Variants in LTBP3 observed in about 807,000 individuals in gnomAD.
The protein encoded by LTBP3 is latent transforming growth factor beta binding protein 3, also known as latent-transforming growth factor beta-binding protein 3.
In LTBP3, 97 loss-of-function variants were observed where a neutral mutation model predicts 159.7. That is an observed-to-expected ratio of 0.61 (90% CI 0.52 to 0.72). The LOEUF is 0.72. Among genes scored for constraint, LTBP3 ranks in the 30% least tolerant of loss-of-function variants. LTBP3 has a pLI of 0.00. For missense variants in LTBP3, 1,584 were observed against 1,864.3 expected (o/e 0.85, Z 2.77); for synonymous variants, 824 against 777.1 (o/e 1.06, Z -1.00).
Position 65,547,951 on chromosome 11 carries a change from G to A in LTBP3, c.1815C>T (p.Tyr605=). The change falls in exon 12 of 28, where the codon TAC becomes TAT. Residue 605 remains tyrosine, a synonymous_variant. Coordinates refer to ENST00000301873, the MANE Select transcript of LTBP3 (RefSeq NM_001130144.3). This position sits in a 1 kb window ranked among gnomAD's most constrained non-coding sequence, Gnocchi z 4.6. ...PDYSCHCNPG[Y]RSHPQHRYCV... is the part of the protein sequence containing the mutation. ...AGTAGCGGTGCTGGGGATGTGACCG[G>A]TAGCCGGGGTTGCAGTGGCAGGAGT... 2 of 1,613,930 alleles carry A rather than the reference G, an allele frequency of 1.2e-6. No homozygotes were observed. The highest frequency in any genetic ancestry group is 1.7e-6 in the Non-Finnish European group (2 of 1,180,008).
Position 65,552,120 on chromosome 11 carries a change from G to A in LTBP3, c.1383C>T (p.Tyr461=), listed in dbSNP as rs1565099313. 2 of 1,614,152 alleles carry A rather than the reference G, an allele frequency of 1.2e-6. No homozygotes were observed. The highest frequency in any genetic ancestry group is 1.7e-6 in the Non-Finnish European group (2 of 1,180,014). The change falls in exon 8 of 28, where the codon TAC becomes TAT. Residue 461 remains tyrosine (Y), a synonymous_variant. Coordinates refer to ENST00000301873, the MANE Select transcript of LTBP3 (RefSeq NM_001130144.3). This position sits in a 1 kb window ranked among gnomAD's most constrained non-coding sequence, Gnocchi z 6.0. ...FKEICPAGKG[Y]HILTSHQTLT... is the part of the protein sequence containing the mutation. ...GCGTCTGGTGGGAGGTGAGAATGTGGTATCCCTTCCCAGCTGGGCAGATCT... is the reference window on the plus strand; with the variant it reads ...GCGTCTGGTGGGAGGTGAGAATGTGATATCCCTTCCCAGCTGGGCAGATCT...
chr11:65,539,657 T>TCCGGGTCC lies in LTBP3; in HGVS notation c.3548-37_3548-30dup, dbSNP rs771349317. 17 of 1,592,260 alleles carry TCCGGGTCC rather than the reference T, an allele frequency of 1.1e-5. No homozygotes were observed. In the African/African-American group the frequency reaches 1.3e-4, roughly 13 times the overall value. ...GGAGGAGCAGAACTGGTCAGCGACG[T>TCCGGGTCC]CCGGGTCCCCGGGCCCTGGCCCCCA... On this transcript the variant is annotated intron_variant, in intron 25 of 27. Transcript: ENST00000301873.
In LTBP3 at chr11:65,552,789, T is replaced by G; in HGVS notation, c.1186+71A>C. ...GTCAACCCTTAACCCCACTCTGATCTCTTGCGATCTCTGATCCTTGCTCCC... is the reference window on the plus strand; with the variant it reads ...GTCAACCCTTAACCCCACTCTGATCGCTTGCGATCTCTGATCCTTGCTCCC... On this transcript the variant is annotated intron_variant, in intron 6 of 27. Coordinates refer to ENST00000301873, the MANE Select transcript of LTBP3 (RefSeq NM_001130144.3). The surrounding 1 kb of genome is among the most constrained non-coding windows in gnomAD (Gnocchi z 6.0). The G allele has an allele frequency of 1.2e-6, 2 of 1,610,576 alleles. No homozygotes were observed. The highest frequency in any genetic ancestry group is 1.7e-6 in the Non-Finnish European group (2 of 1,177,326).
rs575913813 is a variant in LTBP3 at position 65,539,200 on chromosome 11, G to A, written c.3792C>T (p.Arg1264=). Residue 1264 remains arginine (R), a synonymous_variant, in exon 28 of 28, where the codon CGC becomes CGT. Coordinates refer to ENST00000301873, the MANE Select transcript of LTBP3 (RefSeq NM_001130144.3). The part of the protein sequence containing the change: ...DIDECRELNQ[R]GLLCKSERCV... ...AGCGCTCGCTCTTGCACAGCAGCCCGCGCTGGTTCAGCTCTCGGCACTCGT... is the reference window on the plus strand; with the variant it reads ...AGCGCTCGCTCTTGCACAGCAGCCCACGCTGGTTCAGCTCTCGGCACTCGT... 2.0e-5 allele frequency: 30 copies of A among 1,525,410 alleles called. No individual in the cohort carries two copies. Among genetic ancestry groups the A allele is most frequent in the South Asian group, 1.6e-4 (13 of 82,980 alleles). The allele number at this position is 1,525,410 out of a possible 1,614,324, so 94.5% of individuals were successfully genotyped here.
rs1856011851 is a variant in LTBP3, at chr11:65,540,008, C to G, written c.3385+5G>C. The G allele has an allele frequency of 6.7e-7, 1 of 1,492,890 alleles. No individual in the cohort carries two copies. The highest frequency in any genetic ancestry group is 1.4e-5 in the African/African-American group (1 of 70,230). 92.5% of individuals were successfully genotyped at this position (1,492,890 alleles called of 1,614,324 possible). A position where few individuals can be genotyped will look rare whatever the true frequency, so the allele number is the denominator to read the frequency against. On this transcript the variant is annotated splice_donor_5th_base_variant and intron_variant, in intron 24 of 27. Coordinates refer to ENST00000301873, the MANE Select transcript of LTBP3 (RefSeq NM_001130144.3). Reference sequence around the variant, plus strand: ...GGATCGGCCAAGGCCAACCCTCGCCCTCACCGGCCGGGCTCTCGGGGAGCT... The same window carrying G: ...GGATCGGCCAAGGCCAACCCTCGCCGTCACCGGCCGGGCTCTCGGGGAGCT...
chr11:65,549,606 G>C (rs1194822361), intron 11 of LTBP3, among the ~76,000 whole-genome samples: 1 of 110,440 alleles, frequency 9.1e-6, no homozygotes, highest in East Asian at 2.7e-4. Flanking sequence ...TTTTAGTAGA[G>C]ACTGGGTTTC....
At position 65,546,518 on chromosome 11, in the gene LTBP3, G is replaced by A. The variant is rs143094680; in HGVS notation, c.2277C>T (p.Cys759=). The A allele has an allele frequency of 8.1e-6, 13 of 1,601,110 alleles. No homozygotes were observed. Among genetic ancestry groups the A allele is most frequent in the South Asian group, 2.2e-5 (2 of 90,836 alleles). ...AGCGGAAGGAGCCCGGGAGGTTCTC[G>A]CACCAGCCAGGCGAGCAGGGGCTGC... ...AEGSPCSPGW[C]ENLPGSFRCT... is the part of the protein sequence containing the mutation. The change falls in exon 16 of 28, where the codon TGC becomes TGT. Residue 759 remains cysteine, a synonymous_variant. Transcript: ENST00000301873. This position sits in a 1 kb window ranked among gnomAD's most constrained non-coding sequence, Gnocchi z 4.0.
At position 65,554,277 on chromosome 11, in the gene LTBP3, T is replaced by C; in HGVS notation, c.435A>G (p.Gly145=). ...AGCCGCCGGTACCCCCACCGGCTCC[T>C]CCTGCGGGCACCTGGCAGAAGCGCC... ...FTGRFCQVPA[G]GAGGGTGGSG... Residue 145 remains glycine, a synonymous_variant, in exon 2 of 28, where the codon GGA becomes GGG. Coordinates refer to ENST00000301873, the MANE Select transcript of LTBP3 (RefSeq NM_001130144.3). This position sits in a 1 kb window ranked among gnomAD's most constrained non-coding sequence, Gnocchi z 5.3. 4 of 1,611,042 alleles carry C rather than the reference T, an allele frequency of 2.5e-6. No homozygotes were observed. Among genetic ancestry groups the C allele is most frequent in the Non-Finnish European group, 3.4e-6 (4 of 1,179,354 alleles).
rs372630711 is a variant in LTBP3, at chr11:65,546,874, G to A, written c.2154C>T (p.Cys718=). 5.6e-6 allele frequency: 9 copies of A among 1,612,472 alleles called. No individual in the cohort carries two copies. Among genetic ancestry groups the A allele is most frequent in the African/African-American group, 2.7e-5 (2 of 75,054 alleles). Residue 718 remains cysteine (C), a synonymous_variant, in exon 15 of 28, where the codon TGC becomes TGT. Transcript: ENST00000301873. The surrounding 1 kb of genome is among the most constrained non-coding windows in gnomAD (Gnocchi z 4.0). The stretch of plus-strand genomic sequence containing the variant: ...ACTTGAAGCTCCCGGGCTTGTTCTC[G>A]CATTTGCCATCCGGGCAAGAGCTTG... ...RDPSSCPDGK[C]ENKPGSFKCI...
At position 65,539,563 on chromosome 11, in the gene LTBP3, C is replaced by T; in HGVS notation, c.3613G>A (p.Gly1205Arg). Residue 1205 changes from glycine (G) to arginine (R), a missense_variant, in exon 26 of 28, where the codon GGG becomes AGG. Physicochemically the swap from Gly to Arg is moderately radical, Grantham distance 125 (BLOSUM62 -2). Around this residue, in one of 6 missense-constraint regions of LTBP3, gnomAD observed 514 missense variants for 530.3 expected, o/e 0.97. Transcript: ENST00000301873. ...CAGCACTCACCTCTTGGGGGCTTCC[C>T]CAACAGCAGGGGGCTTGTGTCCCAG... is the stretch of plus-strand genomic sequence containing the variant. The part of the protein sequence containing the change: ...SFWDTSPLLL[G>R]KPPRDEDSSE... The T allele has an allele frequency of 6.2e-7, 1 of 1,612,654 alleles. No individual in the cohort carries two copies. Among genetic ancestry groups the T allele is most frequent in the Non-Finnish European group, 8.5e-7 (1 of 1,179,276 alleles).
intron 22 of LTBP3, 46 bp from the exon 23 acceptor site, chr11:65,540,428 G>C: frequency 6.2e-7 from 1 of 1,608,898 alleles, no homozygotes; most frequent in Non-Finnish European, 8.5e-7. Flanking sequence ...CCCGGGATGG[G>C]CGCGGTGGCG....
chr11:65,540,254 C>CCGGGCT lies in LTBP3; in HGVS notation c.3229_3234dup (p.Ser1077_Pro1078dup). ...CCGGCCCGGGCCTCACCCATCTCTT[C>CCGGGCT]CGGGCTCAGGCACTGGCGCTGCGCG... On this transcript the variant is annotated inframe_insertion, in exon 23 of 28. Transcript: ENST00000301873. 3 of 1,550,718 alleles carry CCGGGCT rather than the reference C, an allele frequency of 1.9e-6. No individual in the cohort carries two copies. The highest frequency in any genetic ancestry group is 1.7e-4 in the Middle Eastern group (1 of 5,966).
At position 65,550,794 on chromosome 11, in the gene LTBP3, C is replaced by T. The variant is rs1407829831; in HGVS notation, c.1720+332G>A. On this transcript the variant is annotated intron_variant, in intron 11 of 27. Transcript: ENST00000301873. ...AGCCGAGATTGCGCCACTGCACTCC[C>T]GCCTGGCGACAGAGCAAGACTCCGT... Among the ~76,000 whole-genome samples, 4 of 151,636 alleles carry T rather than the reference C, an allele frequency of 2.6e-5. No individual in the cohort carries two copies. In the East Asian group the frequency reaches 7.8e-4, roughly 30 times the overall value.
Position 65,557,608 on chromosome 11 carries a change from AGCCGTGCCCCCG to A in LTBP3, c.331+9_331+20del. On this transcript the variant is annotated intron_variant, in intron 1 of 27. Coordinates refer to ENST00000301873, the MANE Select transcript of LTBP3 (RefSeq NM_001130144.3). Reference sequence around the variant, plus strand: ...TGGTGCCTGTCCTTCCCCTGCCCCCAGCCGTGCCCCCGGCCCTCACCCACGCGGAAGCCGGAG... The same window carrying A: ...TGGTGCCTGTCCTTCCCCTGCCCCCAGCCCTCACCCACGCGGAAGCCGGAG... The A allele has an allele frequency of 6.2e-7, 1 of 1,605,790 alleles. No homozygotes were observed. Among genetic ancestry groups the A allele is most frequent in the Non-Finnish European group, 8.5e-7 (1 of 1,179,420 alleles).
chr11:65,553,612 C>A lies in LTBP3; in HGVS notation c.865-82G>T. 1 of 1,512,376 alleles carries A rather than the reference C, an allele frequency of 6.6e-7. No homozygotes were observed. Among genetic ancestry groups the A allele is most frequent in the Non-Finnish European group, 9.0e-7 (1 of 1,112,202 alleles). The allele number at this position is 1,512,376 out of a possible 1,614,324, so 93.7% of individuals were successfully genotyped here. Reference sequence around the variant, plus strand: ...TAGGGTTGGGCCTTTTCCTCTTCCCCCGCCCCTCAGTTTTCTGCTATCCGA... The same window carrying A: ...TAGGGTTGGGCCTTTTCCTCTTCCCACGCCCCTCAGTTTTCTGCTATCCGA... On this transcript the variant is annotated intron_variant, in intron 3 of 27. Coordinates refer to ENST00000301873, the MANE Select transcript of LTBP3 (RefSeq NM_001130144.3). The surrounding 1 kb of genome is among the most constrained non-coding windows in gnomAD (Gnocchi z 6.5).
intron 1 of LTBP3, among the ~76,000 whole-genome samples, chr11:65,555,827 G>A (rs773293884): frequency 1.3e-5 from 2 of 152,196 alleles, no homozygotes; most frequent in East Asian, 1.9e-4. Context: ...GCAGGAGGGC[G>A]GGGGTGCTGC....
At position 65,546,811 on chromosome 11, in the gene LTBP3, GCC is replaced by G; in HGVS notation, c.2215_2216del (p.Gly739ArgfsTer51). ...ACQPGYRSQG[G>X]GACRDVNECA... ...CCCCGCCCTCACCGCGACAGGCCCC[GCC>G]CCCCTGGCTGCGGTAGCCAGGCTGA... On this transcript the variant is annotated frameshift_variant, in exon 15 of 28. Coordinates refer to ENST00000301873, the MANE Select transcript of LTBP3 (RefSeq NM_001130144.3). LOFTEE classifies it high-confidence loss of function. This position sits in a 1 kb window ranked among gnomAD's most constrained non-coding sequence, Gnocchi z 4.0. The G allele has an allele frequency of 6.5e-7, 1 of 1,537,884 alleles. No homozygotes were observed. Among genetic ancestry groups the G allele is most frequent in the Non-Finnish European group, 8.8e-7 (1 of 1,138,986 alleles).
intron 11 of LTBP3, among the ~76,000 whole-genome samples, chr11:65,549,593 G>GTTTTTTT (rs1565097219): frequency 9.1e-6 from 1 of 109,890 alleles, no homozygotes; most frequent in African/African-American, 3.6e-5. Context: ...TTTTTTTTTG[G>GTTTTTTT]ATTTTTAGTA....
rs759363681 is a variant in LTBP3, at chr11:65,553,592, T to C, written c.865-62A>G. ...CCCGCCCCGGTGCCGCCTGTTAGGGTTGGGCCTTTTCCTCTTCCCCCGCCC... is the reference window on the plus strand; with the variant it reads ...CCCGCCCCGGTGCCGCCTGTTAGGGCTGGGCCTTTTCCTCTTCCCCCGCCC... On this transcript the variant is annotated intron_variant, in intron 3 of 27. Coordinates refer to ENST00000301873, the MANE Select transcript of LTBP3 (RefSeq NM_001130144.3). The surrounding 1 kb of genome is among the most constrained non-coding windows in gnomAD (Gnocchi z 6.5). The C allele has an allele frequency of 1.3e-6, 2 of 1,497,764 alleles. No homozygotes were observed. Among genetic ancestry groups the C allele is most frequent in the Middle Eastern group, 1.8e-4 (1 of 5,654 alleles). 92.8% of individuals were successfully genotyped at this position (1,497,764 alleles called of 1,614,324 possible).
Sources: gnomAD v4.1 joint callset for allele counts (sites outside exome capture counted in the v4.1 genomes callset) on GRCh38, gnomAD v4.1.1 for gene constraint, gnomAD v4.1.1 regional missense constraint, Gnocchi (gnomAD v3.1) non-coding constraint, MANE v1.5 for transcripts, NCBI Gene and HGNC (gene_info 2026-07-23, HGNC 2026-07-21) for gene names.